The following R3HDM1 variants were observed in gnomAD, a reference collection of about 807,000 sequenced individuals.
The protein encoded by R3HDM1 is R3H domain-containing protein 1.
In R3HDM1, 46 loss-of-function variants were observed where a neutral mutation model predicts 141.1. That is an observed-to-expected ratio of 0.33 (90% CI 0.26 to 0.42). The LOEUF (loss-of-function observed/expected upper bound fraction) is 0.42, where lower values mean the gene tolerates loss of function less well. Among genes scored for constraint, R3HDM1 ranks in the 10% least tolerant of loss-of-function variants. The pLI is 1.00. For synonymous variants in R3HDM1, 435 were observed against 472.9 expected (o/e 0.92, Z 1.04); for missense variants, 1,184 against 1,368.3 (o/e 0.87, Z 2.12).
intron 21 of R3HDM1, among the ~76,000 whole-genome samples, chr2:135,699,500 C>G (rs529636106): frequency 2.0e-5 from 3 of 151,270 alleles, no homozygotes; most frequent in Non-Finnish European, 4.4e-5. Context: ...GGGCAGTAAA[C>G]GAGGACAAGG....
chr2:135,540,081 T>C (rs1210189551), intron 1 of R3HDM1, among the ~76,000 whole-genome samples: 1 of 152,258 alleles, frequency 6.6e-6, no homozygotes, highest in South Asian at 2.1e-4. Context: ...TTCTAAATCC[T>C]TTGTTGCTAT....
intron 1 of R3HDM1, chr2:135,550,284 G>A (rs1416999884): frequency 1.1e-6 from 1 of 935,340 alleles, no homozygotes; most frequent in African/African-American, 1.8e-5. Context: ...AGTTTTATTT[G>A]TGATATATGG....
chr2:135,548,327 T>A (rs957146550), intron 1 of R3HDM1, among the ~76,000 whole-genome samples: 1 of 152,240 alleles, frequency 6.6e-6, no homozygotes, highest in Non-Finnish European at 1.5e-5. Flanking sequence ...TTATGCATTT[T>A]AAATTAAGTT....
At chr2:135,701,423 T>C (rs1238408449) in intron 21 of R3HDM1, among the ~76,000 whole-genome samples, 2 of 151,974 alleles carry the variant, frequency 1.3e-5, no homozygotes, top group Non-Finnish European at 2.9e-5. Flanking sequence ...AAAGTAAATA[T>C]ATACACATGC....
intron 1 of R3HDM1, among the ~76,000 whole-genome samples, chr2:135,547,383 T>G (rs1698915493): frequency 1.3e-5 from 2 of 152,164 alleles, no homozygotes; most frequent in Admixed American, 1.3e-4. Flanking sequence ...ATCAAATGAA[T>G]TTTTTTAATG....
intron 7 of R3HDM1, among the ~76,000 whole-genome samples, chr2:135,628,467 T>C (rs1267483981): frequency 1.3e-5 from 2 of 152,258 alleles, no homozygotes; most frequent in Non-Finnish European, 2.9e-5. Flanking sequence ...TGTTAGATTC[T>C]GTTATTTCAT....
rs187907158 is a variant in R3HDM1 at position 135,696,507 on chromosome 2, T to C, written c.2460-12926T>C. Among the ~76,000 whole-genome samples, 22 of 152,330 alleles carry C rather than the reference T, an allele frequency of 1.4e-4. No individual in the cohort carries two copies. In the East Asian group the frequency reaches 4.2e-3, roughly 29 times the overall value. ...AAAATAATCTGAGTCTTAAATTTTT[T>C]CTTAGAGACTGGTTCTTGCTGTCAT... is the stretch of plus-strand genomic sequence containing the variant. On this transcript the variant is annotated intron_variant, in intron 21 of 26. Coordinates refer to ENST00000683871, the MANE Select transcript of R3HDM1 (RefSeq NM_001378107.1).
chr2:135,677,216 C>A lies in R3HDM1; in HGVS notation c.2307+1730C>A, dbSNP rs373452649. On this transcript the variant is annotated intron_variant, in intron 20 of 26. Coordinates refer to ENST00000683871, the MANE Select transcript of R3HDM1 (RefSeq NM_001378107.1). ...ATGTTGTTGAGCACCAAGTGTATGTCCACTTTTGAGAACCCTTTACCATAG... is the reference window on the plus strand; with the variant it reads ...ATGTTGTTGAGCACCAAGTGTATGTACACTTTTGAGAACCCTTTACCATAG... 7.2e-5 allele frequency among the ~76,000 whole-genome samples: 11 copies of A among 152,226 alleles called. No homozygotes were observed. In the East Asian group the frequency reaches 9.6e-4, roughly 13 times the overall value.
chr2:135,657,636 T>C (rs1486935963), intron 18 of R3HDM1, among the ~76,000 whole-genome samples: 2 of 152,128 alleles, frequency 1.3e-5, no homozygotes. Context: ...TGAGCACTCT[T>C]TAAAATCTCC....
intron 21 of R3HDM1, among the ~76,000 whole-genome samples, chr2:135,706,604 A>G (rs1011712071): frequency 6.6e-6 from 1 of 152,114 alleles, no homozygotes; most frequent in African/African-American, 2.4e-5. Flanking sequence ...GCCTTCAAGC[A>G]TCTGTTTAGC....
At chr2:135,534,100 A>G in intron 1 of R3HDM1, 1 of 915,090 alleles carries the variant, frequency 1.1e-6, no homozygotes, top group Non-Finnish European at 1.3e-6. Flanking sequence ...GTTTGCGACT[A>G]GTTATTTTTG....
chr2:135,674,060 C>G (rs1441471491), intron 19 of R3HDM1, among the ~76,000 whole-genome samples: 4 of 152,278 alleles, frequency 2.6e-5, no homozygotes, highest in African/African-American at 9.6e-5. Context: ...GTGTAAGCCA[C>G]CACACCTGGC....
chr2:135,564,102 A>C (rs1372036993), intron 1 of R3HDM1, among the ~76,000 whole-genome samples: 1 of 152,130 alleles, frequency 6.6e-6, no homozygotes, highest in Non-Finnish European at 1.5e-5. Context: ...AACACCACCC[A>C]CCAGGTCTCA....
intron 1 of R3HDM1, among the ~76,000 whole-genome samples, chr2:135,562,516 G>A (rs934455610): frequency 6.6e-6 from 1 of 151,996 alleles, no homozygotes; most frequent in African/African-American, 2.4e-5. Flanking sequence ...GTAGGATTTG[G>A]CATCAGATAT....
rs964158882 is a variant in R3HDM1 at position 135,559,092 on chromosome 2, T to TGTGCGCGCATGCGTGTGTGC, written c.-250+27460_-250+27461insTGCGCGCATGCGTGTGTGCG. Reference sequence around the variant, plus strand: ...GTGTGTGTGTGTGTGTGTGTGTGTGTGCATGCGTGTGTGTGTGTGGTTTTG... The same window carrying TGTGCGCGCATGCGTGTGTGC: ...GTGTGTGTGTGTGTGTGTGTGTGTGTGTGCGCGCATGCGTGTGTGCGCATGCGTGTGTGTGTGTGGTTTTG... On this transcript the variant is annotated intron_variant, in intron 1 of 26. Transcript: ENST00000683871. The TGTGCGCGCATGCGTGTGTGC allele has an allele frequency of 1.2e-5, 10 of 826,886 alleles. No homozygotes were observed. The Admixed American group carries it at 2.6e-4, about 21-fold the overall frequency. 51.2% of individuals were successfully genotyped at this position (826,886 alleles called of 1,614,324 possible). A position where few individuals can be genotyped will look rare whatever the true frequency, so the allele number is the denominator to read the frequency against.
intron 24 of R3HDM1, among the ~76,000 whole-genome samples, chr2:135,720,526 T>G (rs1309359631): frequency 6.6e-6 from 1 of 152,262 alleles, no homozygotes; most frequent in Non-Finnish European, 1.5e-5. Context: ...CAGCATTTAT[T>G]AAGCCTTTGC....
intron 18 of R3HDM1, among the ~76,000 whole-genome samples, chr2:135,652,438 C>A (rs931349818): frequency 6.6e-6 from 1 of 152,224 alleles, no homozygotes; most frequent in African/African-American, 2.4e-5. Flanking sequence ...AGTTGGAGAC[C>A]AGCCTGGGCA....
At chr2:135,581,438 C>T (rs1040684777) in intron 1 of R3HDM1, 1 of 955,572 alleles carries the variant, frequency 1.0e-6, no homozygotes, top group African/African-American at 1.8e-5. Flanking sequence ...ACTTTGGATA[C>T]CTCATTTCAC....
intron 15 of R3HDM1, among the ~76,000 whole-genome samples, chr2:135,642,425 T>G (rs1038313221): frequency 6.6e-6 from 1 of 152,194 alleles, no homozygotes; most frequent in Non-Finnish European, 1.5e-5. Flanking sequence ...ATAACCTTGT[T>G]AGGTAGGTGA....
Sources: gnomAD v4.1 joint callset for allele counts (sites outside exome capture counted in the v4.1 genomes callset) on GRCh38, gnomAD v4.1.1 for gene constraint, MANE v1.5 for transcripts, NCBI Gene and HGNC (gene_info 2026-07-23, HGNC 2026-07-21) for gene names.